The following PLEKHA1 variants were observed in gnomAD, a reference collection of about 807,000 sequenced individuals.
The protein encoded by PLEKHA1 is pleckstrin homology domain containing A1, also known as pleckstrin homology domain-containing family A member 1.
Under a neutral mutation model 52.0 loss-of-function variants are expected in PLEKHA1, and 34 were observed. The observed-to-expected ratio is 0.65, with a 90% CI of 0.50 to 0.87. PLEKHA1 has a LOEUF of 0.87. Among genes scored for constraint, PLEKHA1 ranks in the 40% least tolerant of loss-of-function variants. The pLI, the probability that PLEKHA1 is intolerant of heterozygous loss-of-function variation, is 0.00. For missense variants in PLEKHA1, 497 were observed against 504.2 expected, an observed-to-expected ratio of 0.99 and a Z score of 0.14; for synonymous variants, 163 against 170.7, an observed-to-expected ratio of 0.95 and a Z score of 0.35.
chr10:122,415,303 G>A (rs919994207), intron 6 of PLEKHA1, among the ~76,000 whole-genome samples: 3 of 152,090 alleles, frequency 2.0e-5, no homozygotes, highest in African/African-American at 4.8e-5. Context: ...GGATTTAGGG[G>A]TAGGAACTCT....
downstream of PLEKHA1, chr10:122,435,043 T>G (rs1283318194): frequency 2.6e-5 from 4 of 152,122 alleles, no homozygotes; most frequent in Non-Finnish European, 5.9e-5. Flanking sequence ...CTGTAAACAT[T>G]TTTGCTTTAA....
At chr10:122,408,248 G>A (rs1307415957) in intron 5 of PLEKHA1, among the ~76,000 whole-genome samples, 1 of 152,160 alleles carries the variant, frequency 6.6e-6, no homozygotes, top group Non-Finnish European at 1.5e-5. Context: ...TGCTTTAAGA[G>A]AAAAAGTAGT....
chr10:122,390,154 G>T (rs2133935560), intron 1 of PLEKHA1, among the ~76,000 whole-genome samples: 2 of 152,160 alleles, frequency 1.3e-5, no homozygotes, highest in East Asian at 3.9e-4. Flanking sequence ...ACCTCTGCTG[G>T]CTTCCAGCTT....
chr10:122,429,600 T>C lies in PLEKHA1; in HGVS notation c.901-24T>C, dbSNP rs368769499. ...ACCTGGTCATGAGTGACTGACCGTGTCTGACTGCCACTCCTTTTTGCAGGA... is the reference window on the plus strand; with the variant it reads ...ACCTGGTCATGAGTGACTGACCGTGCCTGACTGCCACTCCTTTTTGCAGGA... On this transcript the variant is annotated intron_variant, in intron 11 of 11. Coordinates refer to ENST00000368990, the MANE Select transcript of PLEKHA1 (RefSeq NM_001001974.4). The C allele has an allele frequency of 6.5e-5, 105 of 1,607,814 alleles. 2 individuals are homozygous for C. Among genetic ancestry groups the C allele is most frequent in the South Asian group, 5.3e-4 (48 of 90,208 alleles).
Position 122,429,734 on chromosome 10 carries a change from T to C in PLEKHA1, c.1011T>C (p.Phe337=), listed in dbSNP as rs764259881. 3.1e-6 allele frequency: 5 copies of C among 1,614,040 alleles called. No homozygotes were observed. In the East Asian group the frequency reaches 1.1e-4, roughly 36 times the overall value. Residue 337 remains phenylalanine (F), a synonymous_variant, in exon 12 of 12, where the codon TTT becomes TTC. Coordinates refer to ENST00000368990, the MANE Select transcript of PLEKHA1 (RefSeq NM_001001974.4). ...ASRSNSLVST[F]TMEKRGFYES... ...GCAGCAACTCTTTGGTCTCAACCTT[T>C]ACCATGGAGAAGCGAGGATTTTACG...
At chr10:122,419,398 A>G (rs1447515661) in intron 8 of PLEKHA1, 1 of 152,304 alleles carries the variant, frequency 6.6e-6, no homozygotes, top group East Asian at 1.9e-4. Flanking sequence ...AAAGCTTAAG[A>G]GCCTCAACTG....
At chr10:122,420,567 TA>T (rs930580049) in intron 8 of PLEKHA1, 3 of 152,234 alleles carry the variant, frequency 2.0e-5, no homozygotes, top group Non-Finnish European at 4.4e-5. Flanking sequence ...AAAGATCATT[TA>T]AAAATTTTAA....
intron 1 of PLEKHA1, among the ~76,000 whole-genome samples, chr10:122,383,313 GT>G (rs58485855): frequency 0.51 from 65,160 of 128,086 alleles, 15,600 homozygotes; most frequent in Middle Eastern, 0.67. Flanking sequence ...CTTTCTTTCT[GT>G]TTTTTTTTTT....
At chr10:122,414,985 A>G (rs1230161436) in intron 6 of PLEKHA1, among the ~76,000 whole-genome samples, 1 of 152,110 alleles carries the variant, frequency 6.6e-6, no homozygotes. Flanking sequence ...GGAAAATTAC[A>G]TTCACATAAA....
intron 5 of PLEKHA1, among the ~76,000 whole-genome samples, chr10:122,408,915 A>C (rs1002597509): frequency 6.6e-6 from 1 of 152,176 alleles, no homozygotes; most frequent in East Asian, 1.9e-4. Context: ...GGTCAACTCT[A>C]ATTTAGTGGT....
chr10:122,380,688 C>T (rs1340863228), intron 1 of PLEKHA1, among the ~76,000 whole-genome samples: 1 of 152,124 alleles, frequency 6.6e-6, no homozygotes, highest in Non-Finnish European at 1.5e-5. Context: ...AACAGGTTGT[C>T]AACCTTGGCC....
At chr10:122,422,192 T>C (rs2097269593) in intron 8 of PLEKHA1, 1 of 152,144 alleles carries the variant, frequency 6.6e-6, no homozygotes, top group African/African-American at 2.4e-5. Context: ...CTATTTAATA[T>C]ATGTAGATGG....
chr10:122,409,881 A>G (rs1464269182), intron 5 of PLEKHA1, among the ~76,000 whole-genome samples: 1 of 151,884 alleles, frequency 6.6e-6, no homozygotes, highest in Non-Finnish European at 1.5e-5. Context: ...CCGGGGTTCA[A>G]GTGATTCTTG....
At chr10:122,417,844 C>A in intron 7 of PLEKHA1, 56 bp from the exon 8 acceptor site, 1 of 1,383,212 alleles carries the variant, frequency 7.2e-7, no homozygotes, top group Non-Finnish European at 1.0e-6. Context: ...TAAGTGGTGA[C>A]TAACATTTGA....
chr10:122,429,189 A>G (rs1173645658), intron 11 of PLEKHA1, among the ~76,000 whole-genome samples: 1 of 152,110 alleles, frequency 6.6e-6, no homozygotes, highest in Admixed American at 6.5e-5. Context: ...CTATATTTTA[A>G]TTTTTTTCAT....
Position 122,406,567 on chromosome 10 carries a change from T to A in PLEKHA1, c.245-9T>A. 6.3e-7 allele frequency: 1 copy of A among 1,598,880 alleles called. No homozygotes were observed. The highest frequency in any genetic ancestry group is 8.6e-7 in the Non-Finnish European group (1 of 1,167,154). ...CAATATTTGGTGTGTTATTTTTTTC[T>A]GTCAACAGTTATGAATGCAGGAATG... On this transcript the variant is annotated splice_polypyrimidine_tract_variant and intron_variant, in intron 4 of 11. Coordinates refer to ENST00000368990, the MANE Select transcript of PLEKHA1 (RefSeq NM_001001974.4).
chr10:122,424,179 T>TTTG lies in PLEKHA1; in HGVS notation c.682-18_682-17insGTT. ...ATAAACATCATGTAACTGTTTTTTTTTTTTTTTTTTTTTTGCCAGGAAAAG... is the reference window on the plus strand; with the variant it reads ...ATAAACATCATGTAACTGTTTTTTTTTTGTTTTTTTTTTTTTTGCCAGGAAAAG... On this transcript the variant is annotated intron_variant, in intron 8 of 11. Coordinates refer to ENST00000368990, the MANE Select transcript of PLEKHA1 (RefSeq NM_001001974.4). The TTTG allele has an allele frequency of 2.1e-6, 3 of 1,444,492 alleles. No homozygotes were observed. The highest frequency in any genetic ancestry group is 2.8e-5 in the Admixed American group (1 of 36,156). 89.5% of individuals were successfully genotyped at this position (1,444,492 alleles called of 1,614,324 possible). A position where few individuals can be genotyped will look rare whatever the true frequency, so the allele number is the denominator to read the frequency against.
At chr10:122,383,308 T>A (rs959535988) in intron 1 of PLEKHA1, among the ~76,000 whole-genome samples, 21 of 128,920 alleles carry the variant, frequency 1.6e-4, no homozygotes, top group African/African-American at 5.5e-4. Context: ...CTTTTCTTTC[T>A]TTCTGTTTTT....
chr10:122,400,510 C>A, intron 4 of PLEKHA1, 122 bp downstream of exon 4: 2 of 838,758 alleles, frequency 2.4e-6, no homozygotes, highest in South Asian at 1.9e-5. Flanking sequence ...AAAGTGAATT[C>A]CCTTGTAACT....
Sources: gnomAD v4.1 joint callset for allele counts (sites outside exome capture counted in the v4.1 genomes callset) on GRCh38, gnomAD v4.1.1 for gene constraint, MANE v1.5 for transcripts, NCBI Gene and HGNC (gene_info 2026-07-23, HGNC 2026-07-21) for gene names.